SPMIP9: variants seen among roughly 807,000 people sequenced by gnomAD.
SPMIP9 encodes the protein sperm microtubule inner protein 9.
At chr2:88,529,513 A>G in the SPMIP9 span, 2 of 1,550,126 alleles carry the variant, frequency 1.3e-6, no homozygotes, top group African/African-American at 1.4e-5. Context: ...TTCCAAGGGC[A>G]TGTGGAAATC....
the SPMIP9 span, chr2:88,526,533 T>A: frequency 6.7e-7 from 1 of 1,497,720 alleles, no homozygotes; most frequent in Non-Finnish European, 9.3e-7. Context: ...TTCAATCAAC[T>A]GCCTACTGAA....
chr2:88,526,377 C>A, the SPMIP9 span: 1 of 1,562,368 alleles, frequency 6.4e-7, no homozygotes. Flanking sequence ...GAGGGAATCT[C>A]TTGTTTTATA....
At chr2:88,525,764 A>T in the SPMIP9 span, 3 of 1,307,890 alleles carry the variant, frequency 2.3e-6, no homozygotes, top group Admixed American at 6.0e-5. Context: ...CTAGAAGCTC[A>T]TCTTTCTGTA....
chr2:88,529,028 T>A, the SPMIP9 span: 3 of 1,597,948 alleles, frequency 1.9e-6, no homozygotes, highest in Non-Finnish European at 2.6e-6. Context: ...CACCCCTCCA[T>A]TCATGTGTGA....
chr2:88,527,485 A>G, the SPMIP9 span, among the ~76,000 whole-genome samples: 2,216 of 152,232 alleles, frequency 0.015, 54 homozygotes, highest in African/African-American at 0.051. Flanking sequence ...CTAAAAACTC[A>G]TTTTACCTTA....
chr2:88,526,946 G>A, the SPMIP9 span, among the ~76,000 whole-genome samples: 150 of 152,258 alleles, frequency 9.9e-4, no homozygotes, highest in African/African-American at 3.6e-3. Context: ...AATTACAGGC[G>A]TGAGCCACCG....
At chr2:88,529,022 C>T in the SPMIP9 span, 11 of 1,588,990 alleles carry the variant, frequency 6.9e-6, no homozygotes, top group South Asian at 1.2e-4. Flanking sequence ...CTCTCTCACC[C>T]CTCCATTCAT....
the SPMIP9 span, among the ~76,000 whole-genome samples, chr2:88,526,996 T>C: frequency 6.6e-6 from 1 of 152,168 alleles, no homozygotes; most frequent in African/African-American, 2.4e-5. Context: ...GTACATCAAA[T>C]ACGTCATGCA....
chr2:88,529,206 A>G, the SPMIP9 span: 6 of 1,614,208 alleles, frequency 3.7e-6, no homozygotes, highest in South Asian at 2.2e-5. Context: ...TCACAGGAAC[A>G]TGAGGCCACG....
At chr2:88,526,059 T>G in the SPMIP9 span, among the ~76,000 whole-genome samples, 1 of 151,694 alleles carries the variant, frequency 6.6e-6, no homozygotes, top group Admixed American at 6.6e-5. Context: ...TCTTGGGAGG[T>G]GGAGAATAAA....
the SPMIP9 span, among the ~76,000 whole-genome samples, chr2:88,526,833 A>G: frequency 6.6e-6 from 1 of 151,842 alleles, no homozygotes; most frequent in Admixed American, 6.6e-5. Flanking sequence ...TGCGTCAGCT[A>G]ATTTTTGTAT....
chr2:88,528,769 A>G, the SPMIP9 span, among the ~76,000 whole-genome samples: 1 of 152,208 alleles, frequency 6.6e-6, no homozygotes, highest in African/African-American at 2.4e-5. Context: ...GTTTATATGC[A>G]CATCAAATAT....
chr2:88,529,121 C>T, the SPMIP9 span: 1 of 1,614,166 alleles, frequency 6.2e-7, no homozygotes, highest in Non-Finnish European at 8.5e-7. Flanking sequence ...CAACCCCAAG[C>T]TAACAGATGG....
chr2:88,528,966 G>C, the SPMIP9 span: 1 of 1,354,790 alleles, frequency 7.4e-7, no homozygotes, highest in Admixed American at 2.3e-5. Context: ...AAAGAAGGGT[G>C]TGCTCTGTCT....
the SPMIP9 span, among the ~76,000 whole-genome samples, chr2:88,525,172 C>G: frequency 6.6e-6 from 1 of 152,114 alleles, no homozygotes; most frequent in Non-Finnish European, 1.5e-5. Flanking sequence ...CATACTGGCT[C>G]ACAAGAGCCC....
the SPMIP9 span, chr2:88,526,577 T>A: frequency 9.1e-6 from 10 of 1,100,480 alleles, no homozygotes; most frequent in Non-Finnish European, 1.4e-5. Context: ...ATTACAAATG[T>A]GGACATTTGG....
chr2:88,529,190 T>C, the SPMIP9 span: 2 of 1,614,068 alleles, frequency 1.2e-6, no homozygotes, highest in African/African-American at 1.3e-5. Flanking sequence ...CCCCGGCTTC[T>C]TCCCATCACA....
chr2:88,527,855 T>C, the SPMIP9 span, among the ~76,000 whole-genome samples: 1 of 152,220 alleles, frequency 6.6e-6, no homozygotes, highest in South Asian at 2.1e-4. Context: ...ATTTACATTA[T>C]GGCCAGCAGG....
At chr2:88,526,814 G>A in the SPMIP9 span, among the ~76,000 whole-genome samples, 1 of 151,992 alleles carries the variant, frequency 6.6e-6, no homozygotes, top group Admixed American at 6.6e-5. Flanking sequence ...GATTACAGGT[G>A]CCTGCCACTG....
Sources: allele counts gnomAD v4.1 joint callset (sites outside exome capture counted in the v4.1 genomes callset), GRCh38; gene constraint gnomAD v4.1.1; transcripts MANE v1.5; gene names NCBI Gene and HGNC (gene_info 2026-07-23, HGNC 2026-07-21).